Variants in SH3RF2 observed in about 807,000 individuals in gnomAD.
SH3RF2 encodes the protein E3 ubiquitin-protein ligase SH3RF2.
Under a neutral mutation model 59.0 loss-of-function variants are expected in SH3RF2, and 43 were observed. That is an observed-to-expected ratio of 0.73 (90% CI 0.57 to 0.94). The LOEUF is 0.94. SH3RF2 is among the 40% of genes least tolerant of loss of function. The pLI, the probability that SH3RF2 is intolerant of heterozygous loss-of-function variation, is 0.00. For missense variants in SH3RF2, 930 were observed against 940.1 expected, an observed-to-expected ratio of 0.99 and a Z score of 0.14; for synonymous variants, 391 against 391.5, an observed-to-expected ratio of 1.00 and a Z score of 0.01.
chr5:146,021,472 C>T (rs1761313136), intron 5 of SH3RF2, among the ~76,000 whole-genome samples: 1 of 152,170 alleles, frequency 6.6e-6, no homozygotes, highest in South Asian at 2.1e-4. Flanking sequence ...AGAGGAGGCA[C>T]CATTAGATGA....
chr5:146,064,812 GA>G (rs1374251731), downstream of SH3RF2, among the ~76,000 whole-genome samples: 1 of 9,870 alleles, frequency 1.0e-4, no homozygotes. Flanking sequence ...AGGAAGGAAA[GA>G]AAGAAAGAAA....
chr5:145,940,027 T>C (rs537448415), intron 2 of SH3RF2, among the ~76,000 whole-genome samples: 1 of 152,288 alleles, frequency 6.6e-6, no homozygotes, highest in South Asian at 2.1e-4. Context: ...TATAGAGGAT[T>C]CTCAGGGCCC....
intron 9 of SH3RF2, among the ~76,000 whole-genome samples, chr5:146,068,447 TGA>T (rs1763156040): frequency 6.6e-6 from 1 of 152,194 alleles, no homozygotes; most frequent in Admixed American, 6.5e-5. Flanking sequence ...GTTTATATCT[TGA>T]GAGAAAAGAT....
intron 4 of SH3RF2, among the ~76,000 whole-genome samples, chr5:146,008,359 GACAGA>G (rs1760732971): frequency 1.3e-5 from 2 of 152,184 alleles, no homozygotes; most frequent in African/African-American, 4.8e-5. Context: ...CTCACCTGGG[GACAGA>G]ACAATTAGGT....
chr5:145,981,383 G>T (rs1332827512), intron 2 of SH3RF2, among the ~76,000 whole-genome samples: 1 of 152,102 alleles, frequency 6.6e-6, no homozygotes, highest in Non-Finnish European at 1.5e-5. Flanking sequence ...GCAGGCATGA[G>T]CCACTGCACC....
intron 4 of SH3RF2, among the ~76,000 whole-genome samples, chr5:146,009,953 AG>A (rs1760807836): frequency 6.6e-6 from 1 of 152,136 alleles, no homozygotes; most frequent in Non-Finnish European, 1.5e-5. Context: ...CATGTATACA[AG>A]TGGCATGTTG....
At chr5:145,938,759 AC>A (rs1243986192) in intron 2 of SH3RF2, among the ~76,000 whole-genome samples, 4 of 152,148 alleles carry the variant, frequency 2.6e-5, no homozygotes, top group Non-Finnish European at 5.9e-5. Context: ...CCATCTTCCC[AC>A]CCCTAGTCAT....
chr5:145,966,085 C>T (rs1353563855), intron 2 of SH3RF2, among the ~76,000 whole-genome samples: 6 of 152,064 alleles, frequency 3.9e-5, no homozygotes, highest in Non-Finnish European at 7.4e-5. Flanking sequence ...TAAGGAGACA[C>T]GGGGGAGGCG....
In SH3RF2 at chr5:146,041,360, A is replaced by G. The variant is rs569720117; in HGVS notation, c.1060-6412A>G. On this transcript the variant is annotated intron_variant, in intron 5 of 9. Coordinates refer to ENST00000359120, the MANE Select transcript of SH3RF2 (RefSeq NM_152550.4). ...GTTATAGGTGTCACTGAGTATGAGTATGTTACACAGTATGTTACAGGAGCT... is the reference window on the plus strand; with the variant it reads ...GTTATAGGTGTCACTGAGTATGAGTGTGTTACACAGTATGTTACAGGAGCT... 7.4e-4 allele frequency among the ~76,000 whole-genome samples: 112 copies of G among 152,272 alleles called. 3 individuals carry two copies. The highest frequency in any genetic ancestry group is 1.6e-4 in the Non-Finnish European group (11 of 68,020).
At chr5:146,039,718 C>T (rs1185556555) in intron 5 of SH3RF2, among the ~76,000 whole-genome samples, 1 of 152,184 alleles carries the variant, frequency 6.6e-6, no homozygotes, top group Non-Finnish European at 1.5e-5. Flanking sequence ...TGAACAGGCT[C>T]ATACCCTTTG....
At chr5:145,963,933 C>T (rs562334024) in intron 2 of SH3RF2, among the ~76,000 whole-genome samples, 32 of 151,374 alleles carry the variant, frequency 2.1e-4, no homozygotes, top group Non-Finnish European at 2.9e-4. Flanking sequence ...CCCGGATTCA[C>T]GCCATTCTCC....
chr5:146,022,874 AACACAC>A (rs57377156), intron 5 of SH3RF2, among the ~76,000 whole-genome samples: 2,216 of 142,004 alleles, frequency 0.016, 33 homozygotes, highest in Admixed American at 0.04. Context: ...GCTCCATCTA[AACACAC>A]ACACACACAC....
At chr5:146,026,539 A>G (rs1382105202) in intron 5 of SH3RF2, among the ~76,000 whole-genome samples, 18 of 152,094 alleles carry the variant, frequency 1.2e-4, no homozygotes, top group Non-Finnish European at 2.6e-4. Context: ...CTATTATTTA[A>G]TGAATCATGG....
At chr5:145,964,178 CTTTT>C (rs1279550317) in intron 2 of SH3RF2, among the ~76,000 whole-genome samples, 3 of 151,060 alleles carry the variant, frequency 2.0e-5, no homozygotes, top group African/African-American at 7.3e-5. Context: ...TTCTTTCTTT[CTTTT>C]TCTTTCTTCT....
At chr5:146,072,627 C>T (rs928371082) in intron 9 of SH3RF2, among the ~76,000 whole-genome samples, 14 of 151,998 alleles carry the variant, frequency 9.2e-5, no homozygotes, top group African/African-American at 3.4e-4. Flanking sequence ...GCCAACATTG[C>T]ACCATTGCAC....
At chr5:146,027,870 C>T (rs116153692) in intron 5 of SH3RF2, among the ~76,000 whole-genome samples, 3,061 of 152,298 alleles carry the variant, frequency 0.02, 49 homozygotes, top group Non-Finnish European at 0.03. Flanking sequence ...GTACTTAGAT[C>T]CTCAGCCCTG....
At chr5:145,976,522 C>T (rs141402723) in intron 2 of SH3RF2, among the ~76,000 whole-genome samples, 39 of 151,908 alleles carry the variant, frequency 2.6e-4, no homozygotes, top group African/African-American at 8.9e-4. Flanking sequence ...TGGAAACCAC[C>T]ACGTAGTTTC....
intron 7 of SH3RF2, among the ~76,000 whole-genome samples, chr5:146,055,243 C>T (rs1193289446): frequency 6.6e-6 from 1 of 152,208 alleles, no homozygotes; most frequent in Non-Finnish European, 1.5e-5. Context: ...TGGTATAGCT[C>T]ACTGGTAAGA....
Position 146,013,998 on chromosome 5 carries a change from C to G in SH3RF2, c.996C>G (p.Ser332Arg). The change falls in exon 5 of 10, where the codon AGC (serine) becomes AGG (arginine). Residue 332 changes from serine (S) to arginine (R), a missense_variant. Transcript: ENST00000359120. ...EISTPVLISSSNPSVITQPME... is the reference protein window; with the variant it reads ...EISTPVLISSRNPSVITQPME... ...GCACCCCAGTGCTCATCAGCTCCAGCAACCCCTCTGTGATCACCCAGCCCA... is the reference window on the plus strand; with the variant it reads ...GCACCCCAGTGCTCATCAGCTCCAGGAACCCCTCTGTGATCACCCAGCCCA... 1 of 1,614,156 alleles carries G rather than the reference C, an allele frequency of 6.2e-7. No individual in the cohort carries two copies.
Sources: gnomAD v4.1 joint callset for allele counts (sites outside exome capture counted in the v4.1 genomes callset) on GRCh38, gnomAD v4.1.1 for gene constraint, MANE v1.5 for transcripts, NCBI Gene and HGNC (gene_info 2026-07-23, HGNC 2026-07-21) for gene names.